CABLES1: variants seen among roughly 807,000 people sequenced by gnomAD.
CABLES1 encodes CDK5 and ABL1 enzyme substrate 1.
Under a neutral mutation model 57.8 loss-of-function variants are expected in CABLES1, and 36 were observed. The ratio of observed to expected loss-of-function variants is 0.62; its 90% CI spans 0.48 to 0.82. The LOEUF (loss-of-function observed/expected upper bound fraction) is 0.82, where lower values mean the gene tolerates loss of function less well. Among genes scored for constraint, CABLES1 ranks in the 40% least tolerant of loss-of-function variants. The pLI, the probability that CABLES1 is intolerant of heterozygous loss-of-function variation, is 0.00. For missense variants in CABLES1, 767 were observed against 836.6 expected, an observed-to-expected ratio of 0.92 and a Z score of 1.03; for synonymous variants, 374 against 363.0, an observed-to-expected ratio of 1.03 and a Z score of -0.35.
In CABLES1 at chr18:23,234,617, G is replaced by T. The variant is rs1172922376; in HGVS notation, c.1098G>T (p.Lys366Asn). Residue 366 changes from lysine to asparagine, a missense_variant, in exon 5 of 10, where the codon AAG becomes AAT. Lys to Asn is a moderately conservative substitution (Grantham distance 94). Around this residue, in one of 4 missense-constraint regions of CABLES1, gnomAD observed 529 missense variants for 622.8 expected, o/e 0.85. Coordinates refer to ENST00000256925, the MANE Select transcript of CABLES1 (RefSeq NM_001100619.3). Reference sequence around the variant, plus strand: ...TGACTTGTCCTCCCAGGGACTTGAAGTTGGACGGAGGAAGACAATCAACTG... The same window carrying T: ...TGACTTGTCCTCCCAGGGACTTGAATTTGGACGGAGGAAGACAATCAACTG... ...YRDSTQVGDLKLDGGRQSTGA... is the reference protein window; with the variant it reads ...YRDSTQVGDLNLDGGRQSTGA... 6.2e-7 allele frequency: 1 copy of T among 1,613,792 alleles called. No individual in the cohort carries two copies.
At chr18:23,170,980 T>C (rs2047078301) in intron 1 of CABLES1, among the ~76,000 whole-genome samples, 1 of 152,178 alleles carries the variant, frequency 6.6e-6, no homozygotes, top group African/African-American at 2.4e-5. Context: ...GTATTGTTAG[T>C]AGAGATAGCA....
intron 7 of CABLES1, among the ~76,000 whole-genome samples, chr18:23,251,117 A>G (rs536174987): frequency 6.6e-6 from 1 of 152,312 alleles, no homozygotes; most frequent in East Asian, 1.9e-4. Context: ...CTTCACATCA[A>G]AATCTGTCAT....
At chr18:23,236,094 G>T (rs776662740) in intron 6 of CABLES1, 43 bp downstream of exon 6, 15 of 1,597,642 alleles carry the variant, frequency 9.4e-6, no homozygotes, top group Non-Finnish European at 1.3e-5. Flanking sequence ...TGGTGGGAGG[G>T]AGGTGCCTCC....
At chr18:23,217,271 T>C (rs991289299) in intron 4 of CABLES1, among the ~76,000 whole-genome samples, 2 of 151,998 alleles carry the variant, frequency 1.3e-5, no homozygotes, top group Non-Finnish European at 2.9e-5. Flanking sequence ...TTAGTAGAGA[T>C]GAGATCTCGC....
chr18:23,179,056 C>T (rs757161832), intron 1 of CABLES1, among the ~76,000 whole-genome samples: 1 of 152,122 alleles, frequency 6.6e-6, no homozygotes, highest in Non-Finnish European at 1.5e-5. Flanking sequence ...GAGGCCGAGG[C>T]GGGCCAATTG....
intron 4 of CABLES1, among the ~76,000 whole-genome samples, chr18:23,218,233 C>G (rs948199094): frequency 6.6e-6 from 1 of 152,190 alleles, no homozygotes; most frequent in Admixed American, 6.5e-5. Context: ...TTGTGCTGCA[C>G]TCAAGCTTCC....
intron 3 of CABLES1, among the ~76,000 whole-genome samples, chr18:23,195,208 A>G (rs2047273454): frequency 6.6e-6 from 1 of 152,196 alleles, no homozygotes; most frequent in South Asian, 2.1e-4. Context: ...TTGGATGGCT[A>G]AGTCCATTCA....
At chr18:23,230,924 C>G (rs1432453147) in intron 4 of CABLES1, among the ~76,000 whole-genome samples, 1 of 152,242 alleles carries the variant, frequency 6.6e-6, no homozygotes, top group Non-Finnish European at 1.5e-5. Flanking sequence ...ATCTGCTGCT[C>G]TGTGCCAGAT....
intron 8 of CABLES1, among the ~76,000 whole-genome samples, 196 bp from the exon 9 acceptor site, chr18:23,253,533 G>C (rs1385698874): frequency 6.6e-6 from 1 of 152,164 alleles, no homozygotes; most frequent in Admixed American, 6.5e-5. Flanking sequence ...GACCAACAGA[G>C]AAGAGGCCAA....
rs541873975 is a variant in CABLES1 at position 23,155,462 on chromosome 18, C to G, written c.845+18855C>G. Among the ~76,000 whole-genome samples, 3 of 152,294 alleles carry G rather than the reference C, an allele frequency of 2.0e-5. No homozygotes were observed. In the South Asian group the frequency reaches 6.2e-4, roughly 32 times the overall value. On this transcript the variant is annotated intron_variant, in intron 1 of 9. Coordinates refer to ENST00000256925, the MANE Select transcript of CABLES1 (RefSeq NM_001100619.3). ...CATATTATAGACCTAGCAAACAGAA[C>G]TTTTGTAAATGGCAATTAACAGAAG...
chr18:23,146,604 C>G (rs1256695864), intron 1 of CABLES1, among the ~76,000 whole-genome samples: 1 of 152,132 alleles, frequency 6.6e-6, no homozygotes, highest in Non-Finnish European at 1.5e-5. Context: ...TTACAAATGT[C>G]TCAATTGTAG....
At chr18:23,254,452 A>G (rs1019405711) in intron 9 of CABLES1, among the ~76,000 whole-genome samples, 1 of 152,238 alleles carries the variant, frequency 6.6e-6, no homozygotes, top group African/African-American at 2.4e-5. Context: ...AGAATTCAAT[A>G]TATTAATAGA....
At chr18:23,144,415 AAAAC>A (rs1160693092) in intron 1 of CABLES1, among the ~76,000 whole-genome samples, 1 of 152,252 alleles carries the variant, frequency 6.6e-6, no homozygotes, top group Non-Finnish European at 1.5e-5. Flanking sequence ...TTAATTTGCT[AAAAC>A]AATCTGTCAT....
chr18:23,196,996 C>G (rs536891002), intron 3 of CABLES1: 1 of 152,184 alleles, frequency 6.6e-6, no homozygotes, highest in Non-Finnish European at 1.5e-5. Context: ...TGATAGAGGC[C>G]CCAGTATTGA....
At position 23,253,845 on chromosome 18, in the gene CABLES1, A is replaced by G; in HGVS notation, c.1670A>G (p.Gln557Arg). The G allele has an allele frequency of 6.2e-7, 1 of 1,614,244 alleles. No homozygotes were observed. Among genetic ancestry groups the G allele is most frequent in the Non-Finnish European group, 8.5e-7 (1 of 1,180,048 alleles). ...GCCCTCAAGGGGAAACTCAACAAACAGAACCGGAAGCTGTGTGCTGGGGCA... is the reference window on the plus strand; with the variant it reads ...GCCCTCAAGGGGAAACTCAACAAACGGAACCGGAAGCTGTGTGCTGGGGCA... ...KLALKGKLNK[Q>R]NRKLCAGACV... The change falls in exon 9 of 10, where the codon CAG (glutamine) becomes CGG (arginine). Residue 557 changes from glutamine (Q) to arginine (R), a missense_variant. This residue lies in a region of CABLES1 where 529 missense variants were observed against 622.8 expected (regional missense o/e 0.85). Coordinates refer to ENST00000256925, the MANE Select transcript of CABLES1 (RefSeq NM_001100619.3).
chr18:23,243,889 A>C (rs1423796720), intron 7 of CABLES1, among the ~76,000 whole-genome samples: 1 of 151,968 alleles, frequency 6.6e-6, no homozygotes, highest in Non-Finnish European at 1.5e-5. Context: ...AAAAAAAAAA[A>C]ACTAATACAA....
intron 1 of CABLES1, among the ~76,000 whole-genome samples, chr18:23,185,537 G>A (rs2047196788): frequency 6.6e-6 from 1 of 152,128 alleles, no homozygotes; most frequent in Non-Finnish European, 1.5e-5. Flanking sequence ...GCCTGTCTGG[G>A]CTCTGGGCTC....
chr18:23,256,955 A>T (rs1424361756), intron 9 of CABLES1, among the ~76,000 whole-genome samples: 3 of 152,236 alleles, frequency 2.0e-5, no homozygotes, highest in Non-Finnish European at 4.4e-5. Context: ...GATACGGAGC[A>T]TGAACCATGT....
chr18:23,188,715 T>G (rs763057871), intron 1 of CABLES1, 123 bp from the exon 2 acceptor site: 10 of 742,428 alleles, frequency 1.3e-5, no homozygotes, highest in Non-Finnish European at 2.4e-5. Flanking sequence ...AGAGACAGCT[T>G]TTGTCTGATC....
Sources: allele counts gnomAD v4.1 joint callset (sites outside exome capture counted in the v4.1 genomes callset), GRCh38; gene constraint gnomAD v4.1.1; regional missense constraint gnomAD v4.1.1; transcripts MANE v1.5; gene names NCBI Gene and HGNC (gene_info 2026-07-23, HGNC 2026-07-21).